The following MCCC1 variants were observed in gnomAD, a reference collection of about 807,000 sequenced individuals.
MCCC1 encodes the protein methylcrotonoyl-CoA carboxylase subunit alpha, mitochondrial.
In MCCC1, 64 loss-of-function variants were observed where a neutral mutation model predicts 83.8. The observed-to-expected ratio is 0.76, with a 90% CI of 0.62 to 0.94. The LOEUF (loss-of-function observed/expected upper bound fraction) is 0.94. MCCC1 is among the 40% of genes least tolerant of loss of function. MCCC1 has a pLI of 0.00. For synonymous variants in MCCC1, 322 were observed against 315.4 expected (o/e 1.02, Z -0.22); for missense variants, 807 against 904.7 (o/e 0.89, Z 1.39).
chr3:183,102,765 T>G (rs537291317), upstream of MCCC1, among the ~76,000 whole-genome samples: 3,411 of 63,856 alleles, frequency 0.053, 134 homozygotes, highest in African/African-American at 0.25. Flanking sequence ...AAAGTTTTTT[T>G]TTTTTTTTTT....
exon 1 of MCCC1, chr3:183,115,857 TA>T (rs367594869): frequency 7.5e-4 from 108 of 144,922 alleles, no homozygotes; most frequent in Non-Finnish European, 9.3e-4. Flanking sequence ...CATCTCAAAT[TA>T]AAAAAAAAAA....
intron 14 of MCCC1, among the ~76,000 whole-genome samples, chr3:183,032,659 G>A (rs1047327499): frequency 6.6e-6 from 1 of 152,174 alleles, no homozygotes; most frequent in Non-Finnish European, 1.5e-5. Flanking sequence ...TGGATCATAA[G>A]GTCAGGAGAT....
intron 4 of MCCC1, among the ~76,000 whole-genome samples, chr3:183,075,273 C>T (rs1716983620): frequency 6.6e-6 from 1 of 152,154 alleles, no homozygotes; most frequent in African/African-American, 2.4e-5. Context: ...GCTTTTAGCT[C>T]TTTGAGGAAT....
intron 1 of MCCC1, among the ~76,000 whole-genome samples, chr3:183,109,277 C>T (rs1719453690): frequency 6.6e-6 from 1 of 152,092 alleles, no homozygotes; most frequent in Non-Finnish European, 1.5e-5. Context: ...CAGGCGTGAG[C>T]CACCGTGCCT....
chr3:183,055,762 TG>T (rs1715374357), intron 8 of MCCC1, among the ~76,000 whole-genome samples: 1 of 151,776 alleles, frequency 6.6e-6, no homozygotes, highest in Non-Finnish European at 1.5e-5. Flanking sequence ...TAGCCAGGCA[TG>T]GTGGCATGCA....
intron 15 of MCCC1, 129 bp downstream of exon 15, chr3:183,025,626 T>C: frequency 1.2e-6 from 1 of 861,728 alleles, no homozygotes; most frequent in African/African-American, 1.7e-5. Flanking sequence ...AATACAAGCA[T>C]AAGATATTCT....
upstream of MCCC1, chr3:183,116,189 T>G (rs574187672): frequency 6.8e-5 from 12 of 176,318 alleles, no homozygotes; most frequent in Non-Finnish European, 1.2e-4. Flanking sequence ...CTCCTGCTCA[T>G]GCGCACTGAC....
intron 7 of MCCC1, among the ~76,000 whole-genome samples, chr3:183,060,713 G>C (rs1715761294): frequency 1.3e-5 from 2 of 152,098 alleles, no homozygotes; most frequent in Admixed American, 1.3e-4. Context: ...TCCTAATGCT[G>C]TCCTTCCCCG....
chr3:183,099,553 A>C (rs987893330), upstream of MCCC1: 5 of 1,261,324 alleles, frequency 4.0e-6, no homozygotes, highest in African/African-American at 1.5e-5. Flanking sequence ...CCACCGTCGG[A>C]GCCTGAGCCT....
chr3:183,015,441 T>C lies in MCCC1; in HGVS notation c.2175A>G (p.Glu725=), dbSNP rs1458774877. 1.2e-6 allele frequency: 2 copies of C among 1,614,082 alleles called. No individual in the cohort carries two copies. Among genetic ancestry groups the C allele is most frequent in the Non-Finnish European group, 1.7e-6 (2 of 1,180,028 alleles). ...EEEESDKRES[E] ...CTGGCCATTTCCTTGCTGGAGTTTA[T>C]TCCGATTCCCTTTTGTCTGATTCTT... Residue 725 remains glutamate (E), a synonymous_variant, in exon 19 of 19, where the codon GAA becomes GAG. Transcript: ENST00000265594.
intron 14 of MCCC1, 142 bp downstream of exon 14, chr3:183,033,849 T>C (rs191805871): frequency 2.0e-5 from 13 of 643,544 alleles, no homozygotes; most frequent in African/African-American, 1.1e-4. Context: ...TTCTATTATA[T>C]TGGCATATTT....
At chr3:183,103,588 T>C (rs6792517), upstream of MCCC1, among the ~76,000 whole-genome samples, 1,446 of 151,780 alleles carry the variant, frequency 9.5e-3, 18 homozygotes, top group African/African-American at 0.033. Flanking sequence ...AGGGTGCTGA[T>C]TGGTGTGTTT....
upstream of MCCC1, among the ~76,000 whole-genome samples, chr3:183,102,990 T>A (rs1407630806): frequency 6.6e-6 from 1 of 151,528 alleles, no homozygotes; most frequent in Non-Finnish European, 1.5e-5. Flanking sequence ...GTTTTGTGTC[T>A]GGAATTGGTG....
chr3:183,043,758 A>G (rs1025247963), intron 10 of MCCC1, among the ~76,000 whole-genome samples: 4 of 152,222 alleles, frequency 2.6e-5, no homozygotes, highest in Non-Finnish European at 5.9e-5. Flanking sequence ...CTCTTACAAG[A>G]AATAGATGTC....
At chr3:183,030,796 C>A (rs1282217372) in intron 14 of MCCC1, among the ~76,000 whole-genome samples, 1 of 152,128 alleles carries the variant, frequency 6.6e-6, no homozygotes, top group Admixed American at 6.5e-5. Flanking sequence ...CTTGGCATAT[C>A]TATTTTATCA....
chr3:183,101,021 A>C (rs977967364), upstream of MCCC1, among the ~76,000 whole-genome samples: 1 of 152,256 alleles, frequency 6.6e-6, no homozygotes, highest in Non-Finnish European at 1.5e-5. Context: ...ACCCCGGGCA[A>C]TGGGGGACTT....
Position 183,071,084 on chromosome 3 carries a change from C to G in MCCC1, c.676G>C (p.Glu226Gln). ...RIVRSEQEFQ[E>Q]QLESARREAK... is the part of the protein sequence containing the mutation. ...TCTCTCCGTGCTGACTCTAACTGTT[C>G]TTGAAATTCTTGTTCTGATCTAACA... The change falls in exon 7 of 19, where the codon GAA becomes CAA. Residue 226 changes from glutamate (E) to glutamine (Q), a missense_variant. By Grantham distance (29) the Glu-to-Gln change is conservative (BLOSUM62 2). Coordinates refer to ENST00000265594, the MANE Select transcript of MCCC1 (RefSeq NM_020166.5). The G allele has an allele frequency of 1.2e-6, 2 of 1,614,202 alleles. No homozygotes were observed. The highest frequency in any genetic ancestry group is 2.7e-5 in the African/African-American group (2 of 75,054).
intron 10 of MCCC1, among the ~76,000 whole-genome samples, chr3:183,043,182 C>T (rs1466570863): frequency 1.3e-5 from 2 of 152,134 alleles, no homozygotes; most frequent in Non-Finnish European, 1.5e-5. Context: ...CCCAGCTACA[C>T]GGGAGGCTGA....
At chr3:183,054,026 C>T (rs1278502436) in intron 8 of MCCC1, among the ~76,000 whole-genome samples, 4 of 148,150 alleles carry the variant, frequency 2.7e-5, no homozygotes, top group African/African-American at 5.0e-5. Flanking sequence ...GGATTACAGG[C>T]GCCTGCCACC....
Sources: allele counts gnomAD v4.1 joint callset (sites outside exome capture counted in the v4.1 genomes callset), GRCh38; gene constraint gnomAD v4.1.1; transcripts MANE v1.5; gene names NCBI Gene and HGNC (gene_info 2026-07-23, HGNC 2026-07-21).